The following DNM3 variants were observed in gnomAD, a reference collection of about 807,000 sequenced individuals.
DNM3 encodes dynamin 3.
In DNM3, 47 loss-of-function variants were observed where a neutral mutation model predicts 101.6. The ratio of observed to expected loss-of-function variants is 0.46; its 90% confidence interval spans 0.37 to 0.59. The LOEUF (loss-of-function observed/expected upper bound fraction) is 0.59, where lower values mean the gene tolerates loss of function less well. DNM3 is among the 20% of genes least tolerant of loss of function. The pLI is 0.00. For missense variants in DNM3, 849 were observed against 1,085.7 expected (o/e 0.78, Z 3.06); for synonymous variants, 385 against 387.9 (o/e 0.99, Z 0.09).
At chr1:171,903,159 A>T (rs2038523978) in intron 1 of DNM3, among the ~76,000 whole-genome samples, 1 of 152,056 alleles carries the variant, frequency 6.6e-6, no homozygotes, top group Non-Finnish European at 1.5e-5. Context: ...TGTCTCAAAA[A>T]ATATATATAA....
intron 15 of DNM3, among the ~76,000 whole-genome samples, chr1:172,287,851 T>A (rs1219626016): frequency 6.6e-6 from 1 of 151,566 alleles, no homozygotes; most frequent in Non-Finnish European, 1.5e-5. Flanking sequence ...TGAGACAAGA[T>A]CTTGCTCTGT....
intron 15 of DNM3, among the ~76,000 whole-genome samples, chr1:172,263,123 T>C (rs1411430221): frequency 6.6e-6 from 1 of 152,216 alleles, no homozygotes; most frequent in Non-Finnish European, 1.5e-5. Context: ...ATCAATAGAT[T>C]GTAGAAACAA....
intron 4 of DNM3, among the ~76,000 whole-genome samples, chr1:172,025,341 G>C (rs2048128276): frequency 6.6e-6 from 1 of 152,188 alleles, no homozygotes; most frequent in South Asian, 2.1e-4. Flanking sequence ...TCCTAGGACA[G>C]ACCACCTGGG....
chr1:172,078,142 C>G (rs1348144573), intron 11 of DNM3, among the ~76,000 whole-genome samples: 2 of 152,014 alleles, frequency 1.3e-5, no homozygotes, highest in African/African-American at 4.8e-5. Flanking sequence ...ACCCAGGCTG[C>G]AGTGCAGTGG....
intron 1 of DNM3, among the ~76,000 whole-genome samples, chr1:171,913,518 G>T (rs370800276): frequency 1.3e-5 from 2 of 152,092 alleles, no homozygotes; most frequent in African/African-American, 2.4e-5. Context: ...TTCCTCTAGC[G>T]ATTAAAATTG....
chr1:171,872,897 G>C (rs2035429313), intron 1 of DNM3, among the ~76,000 whole-genome samples: 1 of 152,070 alleles, frequency 6.6e-6, no homozygotes, highest in Admixed American at 6.5e-5. Context: ...GATCAAACTT[G>C]ATAATATTTG....
At chr1:172,041,329 G>T (rs562384519) in intron 7 of DNM3, among the ~76,000 whole-genome samples, 1 of 152,280 alleles carries the variant, frequency 6.6e-6, no homozygotes, top group Admixed American at 6.5e-5. Flanking sequence ...TCCCTGCCTG[G>T]GGTGGGTGGT....
At chr1:171,989,567 T>C (rs2045500612) in intron 4 of DNM3, among the ~76,000 whole-genome samples, 1 of 152,170 alleles carries the variant, frequency 6.6e-6, no homozygotes, top group Non-Finnish European at 1.5e-5. Flanking sequence ...CTTGTTTCTT[T>C]AAAATAGGAA....
At chr1:172,241,807 T>G (rs1159763750) in intron 14 of DNM3, among the ~76,000 whole-genome samples, 1 of 152,174 alleles carries the variant, frequency 6.6e-6, no homozygotes, top group Non-Finnish European at 1.5e-5. Context: ...ATTTGACTCA[T>G]TTTTTGAAAC....
intron 14 of DNM3, among the ~76,000 whole-genome samples, chr1:172,199,798 T>TAC (rs933156750): frequency 1.8e-5 from 2 of 109,078 alleles, no homozygotes; most frequent in Admixed American, 7.9e-5. Flanking sequence ...TGATTGTCAT[T>TAC]ACATGTGAGA....
chr1:171,843,192 A>G (rs550356966), intron 1 of DNM3, among the ~76,000 whole-genome samples: 8 of 152,322 alleles, frequency 5.3e-5, no homozygotes, highest in Admixed American at 5.2e-4. Context: ...TGTATGAACT[A>G]GAAAGATAAG....
intron 1 of DNM3, among the ~76,000 whole-genome samples, chr1:171,918,211 T>C (rs1168432166): frequency 6.6e-6 from 1 of 152,218 alleles, no homozygotes; most frequent in African/African-American, 2.4e-5. Flanking sequence ...ATATCAAAAA[T>C]AATAGTAACA....
chr1:172,029,831 T>C (rs973166636), intron 4 of DNM3, among the ~76,000 whole-genome samples: 36 of 151,990 alleles, frequency 2.4e-4, no homozygotes, highest in African/African-American at 8.7e-4. Flanking sequence ...ATAAAATACC[T>C]AGGAATCCAA....
intron 1 of DNM3, among the ~76,000 whole-genome samples, chr1:171,855,715 C>T (rs2125017920): frequency 6.6e-6 from 1 of 152,088 alleles, no homozygotes; most frequent in South Asian, 2.1e-4. Flanking sequence ...TGTTCATGTC[C>T]TTTGCCCACT....
intron 4 of DNM3, among the ~76,000 whole-genome samples, chr1:171,990,396 C>T (rs2045556957): frequency 6.6e-6 from 1 of 152,124 alleles, no homozygotes; most frequent in African/African-American, 2.4e-5. Context: ...TGTTAGGAGA[C>T]TTCCTCAACT....
intron 12 of DNM3, among the ~76,000 whole-genome samples, chr1:172,085,199 G>A (rs539840890): frequency 6.6e-6 from 1 of 151,536 alleles, no homozygotes; most frequent in African/African-American, 2.4e-5. Flanking sequence ...AGAAGAAAAC[G>A]TCAAATTTCT....
At chr1:172,110,667 G>A (rs1358494211) in intron 13 of DNM3, among the ~76,000 whole-genome samples, 1 of 152,158 alleles carries the variant, frequency 6.6e-6, no homozygotes, top group East Asian at 1.9e-4. Context: ...AGGAAAAAAG[G>A]TATTTTAAAT....
chr1:172,403,728 C>G (rs1189877673), intron 20 of DNM3, among the ~76,000 whole-genome samples: 2 of 152,090 alleles, frequency 1.3e-5, no homozygotes, highest in Non-Finnish European at 2.9e-5. Flanking sequence ...CATAAACCGC[C>G]CACATACAAC....
At chr1:172,324,164 G>A (rs890731321) in intron 17 of DNM3, among the ~76,000 whole-genome samples, 1 of 152,100 alleles carries the variant, frequency 6.6e-6, no homozygotes, top group Non-Finnish European at 1.5e-5. Flanking sequence ...TTAGTTGGGC[G>A]ATTTGTTTTC....
Sources: allele counts gnomAD v4.1 joint callset (sites outside exome capture counted in the v4.1 genomes callset), GRCh38; gene constraint gnomAD v4.1.1; transcripts MANE v1.5; gene names NCBI Gene and HGNC (gene_info 2026-07-23, HGNC 2026-07-21).